CHN1: variants seen among roughly 807,000 people sequenced by gnomAD.
The protein encoded by CHN1 is chimerin 1, also known as N-chimaerin.
In CHN1, 37 loss-of-function variants were observed where a neutral mutation model predicts 59.5. The observed-to-expected ratio is 0.62, with a 90% CI of 0.48 to 0.82. The LOEUF (loss-of-function observed/expected upper bound fraction) is 0.82. Among genes scored for constraint, CHN1 ranks in the 40% least tolerant of loss-of-function variants. The pLI is 0.00. For synonymous variants in CHN1, 206 were observed against 200.4 expected, an observed-to-expected ratio of 1.03 and a Z score of -0.24; for missense variants, 469 against 571.0, an observed-to-expected ratio of 0.82 and a Z score of 1.82.
intron 1 of CHN1, among the ~76,000 whole-genome samples, chr2:174,997,875 T>C (rs1691759883): frequency 6.8e-6 from 1 of 147,362 alleles, no homozygotes; most frequent in Non-Finnish European, 1.5e-5. Flanking sequence ...TAGTCCCAGC[T>C]ACTTGGGAGG....
rs567412498 is a variant in CHN1 at position 174,950,990 on chromosome 2, G to A, written c.58+1174C>T. On this transcript the variant is annotated intron_variant, in intron 2 of 12. Coordinates refer to ENST00000409900, the MANE Select transcript of CHN1 (RefSeq NM_001822.7). ...AGATGGGTTTCACCATGTTGGCCAG[G>A]CTAGTCTCAAACTCCTGACCTCAGG... 1.2e-3 allele frequency among the ~76,000 whole-genome samples: 185 copies of A among 152,162 alleles called. 1 individual carries two copies. The highest frequency in any genetic ancestry group is 4.2e-3 in the African/African-American group (175 of 41,526).
chr2:174,857,475 A>T (rs1686941415), intron 6 of CHN1, among the ~76,000 whole-genome samples: 1 of 152,160 alleles, frequency 6.6e-6, no homozygotes, highest in Non-Finnish European at 1.5e-5. Context: ...TATTGGTAAC[A>T]ACCTATACTA....
At chr2:174,973,404 G>A (rs754834360) in intron 1 of CHN1, among the ~76,000 whole-genome samples, 8 of 152,068 alleles carry the variant, frequency 5.3e-5, no homozygotes, top group Admixed American at 1.3e-4. Flanking sequence ...CACAAAACAC[G>A]GTTTTTTCAG....
At position 174,906,131 on chromosome 2, in the gene CHN1, T is replaced by C. The variant is rs1368374551; in HGVS notation, c.260+8927A>G. ...CTCCTAGGTATATACCCAAAAGAAA[T>C]AAAAACATATGTTTATACAAAAACT... On this transcript the variant is annotated intron_variant, in intron 5 of 12. Coordinates refer to ENST00000409900, the MANE Select transcript of CHN1 (RefSeq NM_001822.7). Among the ~76,000 whole-genome samples the C allele has an allele frequency of 7.2e-5, 11 of 151,974 alleles. No homozygotes were observed. The South Asian group carries it at 2.1e-3, about 29-fold the overall frequency.
chr2:174,816,095 G>A (rs1179637272), intron 8 of CHN1, among the ~76,000 whole-genome samples: 1 of 151,952 alleles, frequency 6.6e-6, no homozygotes, highest in African/African-American at 2.4e-5. Flanking sequence ...TATTTTACAT[G>A]TAGCTGTAGG....
chr2:174,801,956 T>G (rs1198772051), intron 11 of CHN1, 144 bp from the exon 12 acceptor site: 2 of 611,008 alleles, frequency 3.3e-6, no homozygotes, highest in East Asian at 6.5e-5. Flanking sequence ...CTTTGGAAAT[T>G]ATTTTTAAGG....
At chr2:174,965,349 T>C (rs1326488191) in intron 1 of CHN1, among the ~76,000 whole-genome samples, 1 of 152,140 alleles carries the variant, frequency 6.6e-6, no homozygotes, top group African/African-American at 2.4e-5. Flanking sequence ...ATGCATTCTT[T>C]GGTTTAGAAT....
chr2:174,916,241 T>A (rs1163214717), intron 4 of CHN1, among the ~76,000 whole-genome samples: 1 of 152,166 alleles, frequency 6.6e-6, no homozygotes, highest in African/African-American at 2.4e-5. Flanking sequence ...GAAACTTCCC[T>A]CCCATTCCCC....
intron 5 of CHN1, among the ~76,000 whole-genome samples, chr2:174,906,798 A>G (rs191416322): frequency 6.6e-6 from 1 of 152,320 alleles, no homozygotes. Flanking sequence ...AAGAAAAAGA[A>G]TCGGTGAGGC....
chr2:174,906,905 G>A lies in CHN1; in HGVS notation c.260+8153C>T, dbSNP rs575888304. On this transcript the variant is annotated intron_variant, in intron 5 of 12. Coordinates refer to ENST00000409900, the MANE Select transcript of CHN1 (RefSeq NM_001822.7). ...AAAAACGGGTGTCTTTTTAAAAGGG[G>A]GGAAAAAATGAGGACTGGGGAGTGC... Among the ~76,000 whole-genome samples the A allele has an allele frequency of 6.9e-4, 105 of 152,164 alleles. 1 individual carries two copies. Among genetic ancestry groups the A allele is most frequent in the Middle Eastern group, 3.4e-3 (1 of 294 alleles).
At chr2:174,970,539 A>T (rs778041048) in intron 1 of CHN1, among the ~76,000 whole-genome samples, 2 of 152,250 alleles carry the variant, frequency 1.3e-5, no homozygotes, top group Non-Finnish European at 2.9e-5. Flanking sequence ...CATGAGATCG[A>T]TGGTGATATT....
intron 7 of CHN1, among the ~76,000 whole-genome samples, chr2:174,825,707 T>C (rs1461239629): frequency 6.6e-6 from 1 of 152,206 alleles, no homozygotes; most frequent in African/African-American, 2.4e-5. Context: ...ACCACTACCA[T>C]ACATAATAAA....
intron 7 of CHN1, among the ~76,000 whole-genome samples, chr2:174,835,441 C>A (rs1032085824): frequency 3.3e-5 from 5 of 152,134 alleles, no homozygotes; most frequent in African/African-American, 4.8e-5. Flanking sequence ...CAAATTTATA[C>A]AATTTTTGGT....
At chr2:174,856,318 C>G (rs1489353401) in intron 6 of CHN1, among the ~76,000 whole-genome samples, 3 of 152,068 alleles carry the variant, frequency 2.0e-5, no homozygotes, top group African/African-American at 7.2e-5. Context: ...TACATAGCTC[C>G]TCTAGCATTA....
At chr2:174,807,767 A>G (rs1684945847) in intron 11 of CHN1, among the ~76,000 whole-genome samples, 1 of 152,152 alleles carries the variant, frequency 6.6e-6, no homozygotes. Flanking sequence ...AAAATCCTCT[A>G]CAAAAGCCCT....
At chr2:174,922,723 TAAAAA>T (rs528387031) in intron 3 of CHN1, among the ~76,000 whole-genome samples, 1 of 145,976 alleles carries the variant, frequency 6.9e-6, no homozygotes, top group Non-Finnish European at 1.5e-5. Flanking sequence ...CATACATACA[TAAAAA>T]AAAAGAAATA....
At chr2:174,811,290 G>C (rs2105382696) in intron 10 of CHN1, 1 of 457,452 alleles carries the variant, frequency 2.2e-6, no homozygotes, top group East Asian at 3.7e-5. Context: ...CTCAAATATT[G>C]GTAACATAGT....
chr2:174,847,341 T>G (rs774370297), intron 6 of CHN1: 175 of 1,298,700 alleles, frequency 1.3e-4, no homozygotes, highest in Admixed American at 4.0e-4. Flanking sequence ...TCCTTTTTTT[T>G]TCTTAAAGGG....
At chr2:174,914,715 C>T (rs187876710) in intron 5 of CHN1, among the ~76,000 whole-genome samples, 6 of 151,772 alleles carry the variant, frequency 4.0e-5, no homozygotes, top group Admixed American at 2.0e-4. Flanking sequence ...TAGTGGCACA[C>T]GTCTATAATC....
Sources: gnomAD v4.1 joint callset for allele counts (sites outside exome capture counted in the v4.1 genomes callset) on GRCh38, gnomAD v4.1.1 for gene constraint, MANE v1.5 for transcripts, NCBI Gene and HGNC (gene_info 2026-07-23, HGNC 2026-07-21) for gene names.